Variants in KIF25 observed in about 807,000 individuals in gnomAD.
KIF25 encodes kinesin family member 25, also known as kinesin-like protein KIF25.
Under a neutral mutation model 32.9 loss-of-function variants are expected in KIF25, and 19 were observed. The ratio of observed to expected loss-of-function variants is 0.58; its 90% CI spans 0.40 to 0.85. KIF25 has a LOEUF of 0.85. KIF25 is among the 40% of genes least tolerant of loss of function. The pLI is 0.00. For missense variants in KIF25, 485 were observed against 507.0 expected (o/e 0.96, Z 0.42); for synonymous variants, 225 against 213.7 (o/e 1.05, Z -0.46).
intron 7 of KIF25, among the ~76,000 whole-genome samples, chr6:168,033,499 C>T (rs371460302): frequency 8.8e-6 from 1 of 113,794 alleles, no homozygotes; most frequent in African/African-American, 3.2e-5. Flanking sequence ...GAATCCGTCT[C>T]AAAAAAAAAA....
rs760636683 is a variant in KIF25, at chr6:168,034,040, G to A, written c.317+9G>A. On this transcript the variant is annotated intron_variant, in intron 8 of 12. Coordinates refer to ENST00000643607, the MANE Select transcript of KIF25 (RefSeq NM_030615.4). ...GCTGAGGAGCTCTTCAGGTACTGCC[G>A]ATGGTGATGAGTGGGGCAGAGAAAT... The A allele has an allele frequency of 3.7e-6, 6 of 1,613,820 alleles. No homozygotes were observed. Among genetic ancestry groups the A allele is most frequent in the Middle Eastern group, 1.6e-4 (1 of 6,076 alleles).
At chr6:168,028,149 T>C (rs1486813765) in intron 5 of KIF25, among the ~76,000 whole-genome samples, 1 of 152,162 alleles carries the variant, frequency 6.6e-6, no homozygotes, top group Admixed American at 6.5e-5. Context: ...TTTTTATATC[T>C]ATTCATTTAC....
Position 168,029,971 on chromosome 6 carries a change from A to C in KIF25, c.92+294A>C, listed in dbSNP as rs913791897. The stretch of plus-strand genomic sequence containing the variant: ...ACACTTGAAAATGAAGGAAGGAAAA[A>C]ACTTGGTTCCAGCTAAGTCAAAACC... On this transcript the variant is annotated intron_variant, in intron 6 of 12. Transcript: ENST00000643607. 7.2e-5 allele frequency among the ~76,000 whole-genome samples: 11 copies of C among 152,060 alleles called. No individual in the cohort carries two copies. In the South Asian group the frequency reaches 1.0e-3, roughly 14 times the overall value.
chr6:168,037,520 T>C (rs1040838438), intron 8 of KIF25, among the ~76,000 whole-genome samples: 4 of 152,142 alleles, frequency 2.6e-5, no homozygotes, highest in African/African-American at 9.7e-5. Context: ...CCTTTGTTAT[T>C]TGGTGACGAG....
At chr6:168,025,539 G>A (rs997724999) in intron 5 of KIF25, among the ~76,000 whole-genome samples, 3 of 152,012 alleles carry the variant, frequency 2.0e-5, no homozygotes, top group Admixed American at 6.6e-5. Context: ...GATACATTGT[G>A]GTAAAAGCTT....
Position 168,038,679 on chromosome 6 carries a change from G to A in KIF25, c.444G>A (p.Glu148=). 1 of 1,614,152 alleles carries A rather than the reference G, an allele frequency of 6.2e-7. No homozygotes were observed. Among genetic ancestry groups the A allele is most frequent in the South Asian group, 1.1e-5 (1 of 91,076 alleles). The stretch of plus-strand genomic sequence containing the variant: ...CAGCAGTGTCGGGGGTCAAGCGTGA[G>A]GTGGTGACAGCCAAGGATGGACGGA... ...SIAAVSGVKR[E]VVTAKDGRTE... Residue 148 remains glutamate, a synonymous_variant, in exon 9 of 13, where the codon GAG becomes GAA. Transcript: ENST00000643607.
Position 168,044,931 on chromosome 6 carries a change from C to T in KIF25, c.1090C>T (p.Gln364Ter), listed in dbSNP as rs750891826. 1.9e-6 allele frequency: 3 copies of T among 1,612,312 alleles called. No individual in the cohort carries two copies. Among genetic ancestry groups the T allele is most frequent in the Middle Eastern group, 1.7e-4 (1 of 6,056 alleles). Residue 364 changes from glutamine to a stop codon, truncating the protein, a stop_gained, in exon 13 of 13, where the codon CAG becomes TAG. Transcript: ENST00000643607. LOFTEE classifies it low-confidence loss of function (END_TRUNC). ...LGFGIRARQVQRGPARKKPPS... is the reference protein window; with the variant it reads ...LGFGIRARQV ...TTTCGGGATCCGAGCTCGGCAAGTCCAGCGAGGCCCTGCCCGAAAGAAGCC... is the reference window on the plus strand; with the variant it reads ...TTTCGGGATCCGAGCTCGGCAAGTCTAGCGAGGCCCTGCCCGAAAGAAGCC...
At chr6:168,038,480 G>T in intron 8 of KIF25, 73 bp from the exon 9 acceptor site, 2 of 1,490,606 alleles carry the variant, frequency 1.3e-6, no homozygotes, top group Middle Eastern at 1.7e-4. Context: ...GGGCGTCTGG[G>T]GCTATGATTG....
At chr6:168,006,683 T>C (rs1798583930) in intron 4 of KIF25, among the ~76,000 whole-genome samples, 1 of 152,206 alleles carries the variant, frequency 6.6e-6, no homozygotes, top group East Asian at 1.9e-4. Flanking sequence ...TTCACTAACA[T>C]TGATAATTTT....
intron 8 of KIF25, among the ~76,000 whole-genome samples, chr6:168,037,327 C>T (rs576549628): frequency 2.0e-4 from 31 of 152,264 alleles, no homozygotes; most frequent in African/African-American, 6.0e-4. Flanking sequence ...AGCCTGGCAG[C>T]GCCTGGGTGG....
intron 8 of KIF25, among the ~76,000 whole-genome samples, chr6:168,034,440 G>T (rs868643198): frequency 2.0e-5 from 3 of 152,228 alleles, no homozygotes; most frequent in Non-Finnish European, 4.4e-5. Context: ...TGTATTTTTA[G>T]TAGAGACGGA....
rs772232313 is a variant in KIF25 at position 168,029,690 on chromosome 6, G to C, written c.92+13G>C. ...ACAAGGACCTCAGGTCAGCTTCAGC[G>C]TGAGAAGCAGGCCAGGCCTGGGTCT... On this transcript the variant is annotated intron_variant, in intron 6 of 12. Coordinates refer to ENST00000643607, the MANE Select transcript of KIF25 (RefSeq NM_030615.4). 1 of 1,600,728 alleles carries C rather than the reference G, an allele frequency of 6.2e-7. No individual in the cohort carries two copies. Among genetic ancestry groups the C allele is most frequent in the Non-Finnish European group, 8.5e-7 (1 of 1,174,390 alleles).
Position 168,044,837 on chromosome 6 carries a change from G to T in KIF25, c.996G>T (p.Ala332=). Reference sequence around the variant, plus strand: ...TTTTCTATTTTAAAGGAGGCGATGCGAAGTTACTGGTGATTCTCTGCATTT... The same window carrying T: ...TTTTCTATTTTAAAGGAGGCGATGCTAAGTTACTGGTGATTCTCTGCATTT... The part of the protein sequence containing the change: ...HLLQDCLGGD[A]KLLVILCISP... The change falls in exon 13 of 13, where the codon GCG becomes GCT. Residue 332 remains alanine, a synonymous_variant. Transcript: ENST00000643607. The T allele has an allele frequency of 6.3e-7, 1 of 1,586,172 alleles. No homozygotes were observed. Among genetic ancestry groups the T allele is most frequent in the Non-Finnish European group, 8.6e-7 (1 of 1,164,472 alleles).
chr6:168,041,899 C>A, intron 10 of KIF25, 70 bp from the exon 11 acceptor site: 1 of 1,468,506 alleles, frequency 6.8e-7, no homozygotes, highest in Non-Finnish European at 9.3e-7. Flanking sequence ...TCGGCTCTGA[C>A]TGAGGCAAAG....
At chr6:168,036,153 T>G in intron 8 of KIF25, 1 of 185,264 alleles carries the variant, frequency 5.4e-6, no homozygotes, top group Non-Finnish European at 1.2e-5. Flanking sequence ...CTGGATTCCT[T>G]GGCTCTGCAC....
intron 7 of KIF25, 122 bp from the exon 8 acceptor site, chr6:168,033,760 T>C: frequency 1.7e-5 from 17 of 1,015,998 alleles, no homozygotes; most frequent in Non-Finnish European, 2.5e-5. Context: ...TTATAAGAAA[T>C]GGAGTAACAG....
chr6:168,018,245 GC>G, intron 5 of KIF25, among the ~76,000 whole-genome samples: 1 of 152,264 alleles, frequency 6.6e-6, no homozygotes, highest in East Asian at 1.9e-4. Context: ...TGTCTCGAGT[GC>G]CCATTACAAC....
intron 8 of KIF25, among the ~76,000 whole-genome samples, chr6:168,037,558 A>C (rs184435943): frequency 3.9e-5 from 6 of 152,264 alleles, no homozygotes; most frequent in African/African-American, 1.2e-4. Context: ...GTCAGAGACA[A>C]ACCAGAAAGC....
chr6:168,018,696 C>T (rs1312260485), intron 5 of KIF25, among the ~76,000 whole-genome samples: 1 of 152,184 alleles, frequency 6.6e-6, no homozygotes, highest in African/African-American at 2.4e-5. Flanking sequence ...AATCAATGCG[C>T]GTGGCCTTTG....
Sources: gnomAD v4.1 joint callset for allele counts (sites outside exome capture counted in the v4.1 genomes callset) on GRCh38, gnomAD v4.1.1 for gene constraint, MANE v1.5 for transcripts, NCBI Gene and HGNC (gene_info 2026-07-23, HGNC 2026-07-21) for gene names.